The following HOXA3 variants were observed in gnomAD, a reference collection of about 807,000 sequenced individuals.
The protein encoded by HOXA3 is homeobox A3.
In HOXA3, 8 loss-of-function variants were observed where a neutral mutation model predicts 30.3. The ratio of observed to expected loss-of-function variants is 0.26; its 90% confidence interval spans 0.15 to 0.48. The LOEUF (loss-of-function observed/expected upper bound fraction) is 0.48, where lower values mean the gene tolerates loss of function less well. Ranked by LOEUF, HOXA3 falls within the 20% of genes least tolerant of loss-of-function variation. The pLI, the probability that HOXA3 is intolerant of heterozygous loss-of-function variation, is 0.99. For synonymous variants in HOXA3, 323 were observed against 273.1 expected (o/e 1.18, Z -1.80); for missense variants, 653 against 614.4 (o/e 1.06, Z -0.66).
At chr7:27,129,992 C>G (rs1213402107) in intron 2 of HOXA3, 1 of 1,141,322 alleles carries the variant, frequency 8.8e-7, no homozygotes, top group Non-Finnish European at 1.2e-6. Flanking sequence ...CTCACCGCAG[C>G]CCGGGTCAGA....
intron 2 of HOXA3, among the ~76,000 whole-genome samples, chr7:27,135,181 C>CTT (rs148171754): frequency 6.8e-6 from 1 of 147,750 alleles, no homozygotes; most frequent in Non-Finnish European, 1.5e-5. Flanking sequence ...TTCTCCTTGG[C>CTT]TTTTTTTTTT....
At chr7:27,115,140 T>C (rs1468018746) in intron 4 of HOXA3, among the ~76,000 whole-genome samples, 5 of 150,854 alleles carry the variant, frequency 3.3e-5, no homozygotes, top group Non-Finnish European at 7.4e-5. Flanking sequence ...AAAATATAAG[T>C]AGTATGTTTA....
intron 4 of HOXA3, chr7:27,115,708 A>T (rs1393866726): frequency 6.6e-6 from 1 of 152,278 alleles, no homozygotes; most frequent in East Asian, 1.9e-4. Context: ...ACCAGACCTG[A>T]GGAGCCGTGG....
At position 27,110,702 on chromosome 7, in the gene HOXA3, C is replaced by T. The variant is rs942104627; in HGVS notation, c.-62G>A. The stretch of plus-strand genomic sequence containing the variant: ...GGGGTTTGACACCCGTGAGGGCGCA[C>T]ATTGGCACGCCCCCGCGGTCACGTG... On this transcript the variant is annotated 5_prime_UTR_variant, in exon 5 of 6. The change creates a new upstream start codon in the 5' untranslated region. Coordinates refer to ENST00000612286, the MANE Select transcript of HOXA3 (RefSeq NM_153631.3). The T allele has an allele frequency of 1.9e-6, 3 of 1,582,034 alleles. No homozygotes were observed. The highest frequency in any genetic ancestry group is 2.6e-6 in the Non-Finnish European group (3 of 1,156,696).
chr7:27,112,146 A>G (rs1784413595), intron 4 of HOXA3, among the ~76,000 whole-genome samples: 1 of 152,226 alleles, frequency 6.6e-6, no homozygotes, highest in Non-Finnish European at 1.5e-5. Flanking sequence ...TCTAGTTCTC[A>G]GCACAGAAAA....
intron 2 of HOXA3, among the ~76,000 whole-genome samples, chr7:27,133,065 T>C (rs1189653167): frequency 6.6e-6 from 1 of 152,230 alleles, no homozygotes; most frequent in Non-Finnish European, 1.5e-5. Flanking sequence ...TCTATTACTT[T>C]AGGAAGATGG....
chr7:27,130,128 A>C, intron 2 of HOXA3: 2 of 1,601,336 alleles, frequency 1.2e-6, no homozygotes, highest in Non-Finnish European at 1.7e-6. Context: ...CGGCGCTGAC[A>C]TGGATCTTCT....
chr7:27,149,003 G>A (rs1782880796), intron 1 of HOXA3, among the ~76,000 whole-genome samples: 1 of 152,210 alleles, frequency 6.6e-6, no homozygotes, highest in South Asian at 2.1e-4. Flanking sequence ...GAGGGCTGCC[G>A]CCCCTCAGTC....
At chr7:27,147,312 G>T (rs1782803099) in intron 1 of HOXA3, 4 of 1,612,880 alleles carry the variant, frequency 2.5e-6, no homozygotes, top group Non-Finnish European at 2.5e-6. Flanking sequence ...TCTTACCCGC[G>T]CAGGAGTTCA....
intron 2 of HOXA3, chr7:27,128,097 C>G (rs531094256): frequency 6.6e-6 from 1 of 152,276 alleles, no homozygotes; most frequent in African/African-American, 2.4e-5. Flanking sequence ...TACCAAATAC[C>G]AAAGAGACCA....
chr7:27,132,194 T>C (rs1365198872), intron 2 of HOXA3, among the ~76,000 whole-genome samples: 4 of 152,216 alleles, frequency 2.6e-5, no homozygotes, highest in Non-Finnish European at 4.4e-5. Flanking sequence ...TATTTTCATA[T>C]TGGCATGCAA....
At chr7:27,125,687 G>A (rs931016301) in intron 3 of HOXA3, among the ~76,000 whole-genome samples, 1 of 152,234 alleles carries the variant, frequency 6.6e-6, no homozygotes, top group Non-Finnish European at 1.5e-5. Context: ...CAGAGACCAG[G>A]GGAGTGCCAA....
At chr7:27,124,496 C>G (rs940420371) in intron 3 of HOXA3, 2 of 152,232 alleles carry the variant, frequency 1.3e-5, no homozygotes, top group Non-Finnish European at 2.9e-5. Flanking sequence ...GCCCCAAGAT[C>G]TGGTGAGGGC....
chr7:27,128,603 C>T (rs190623072), intron 2 of HOXA3: 167 of 156,540 alleles, frequency 1.1e-3, no homozygotes, highest in African/African-American at 2.2e-3. Flanking sequence ...CCACATAAGT[C>T]TAAATGCACT....
rs2128039802 is a variant in HOXA3, at chr7:27,110,234, G to A, written c.407C>T (p.Thr136Ile). 2 of 1,613,996 alleles carry A rather than the reference G, an allele frequency of 1.2e-6. No individual in the cohort carries two copies. Among genetic ancestry groups the A allele is most frequent in the South Asian group, 1.1e-5 (1 of 91,070 alleles). The change falls in exon 5 of 6, where the codon ACC becomes ATC. Residue 136 changes from threonine (T) to isoleucine (I), a missense_variant. Coordinates refer to ENST00000612286, the MANE Select transcript of HOXA3 (RefSeq NM_153631.3). ...SPPQNASNNP[T>I]PANAAKSPLL... ...GGGGCTCTTGGCCGCGTTGGCAGGG[G>A]TAGGGTTGTTGCTGGCATTCTGAGG...
rs1206349630 is a variant in HOXA3 at position 27,130,016 on chromosome 7, C to T, written c.-389-2946G>A. On this transcript the variant is annotated intron_variant, in intron 2 of 5. Coordinates refer to ENST00000612286, the MANE Select transcript of HOXA3 (RefSeq NM_153631.3). ...GCCCGGGTCAGATGGGGGCTCCCCTCCCGAGGCCCCCTTCCCCTGAGCCTC... is the reference window on the plus strand; with the variant it reads ...GCCCGGGTCAGATGGGGGCTCCCCTTCCGAGGCCCCCTTCCCCTGAGCCTC... The T allele has an allele frequency of 2.2e-6, 3 of 1,351,680 alleles. No homozygotes were observed. The African/African-American group carries it at 4.4e-5, about 20-fold the overall frequency. The allele number at this position is 1,351,680 out of a possible 1,614,324, so 83.7% of individuals were successfully genotyped here.
chr7:27,108,801 T>C lies in HOXA3; in HGVS notation c.527-81A>G. The stretch of plus-strand genomic sequence containing the variant: ...CCCCTGACCCAGCCCGGCCCCTCCT[T>C]CCACCAGGCCCCAAAGGTTCCTGCA... On this transcript the variant is annotated intron_variant, in intron 5 of 5. Transcript: ENST00000612286. This position sits in a 1 kb window ranked among gnomAD's most constrained non-coding sequence, Gnocchi z 5.0. 2 of 1,078,010 alleles carry C rather than the reference T, an allele frequency of 1.9e-6. No individual in the cohort carries two copies. The highest frequency in any genetic ancestry group is 5.0e-5 in the East Asian group (2 of 39,988). The allele number at this position is 1,078,010 out of a possible 1,614,324, so 66.8% of individuals were successfully genotyped here. A position where few individuals can be genotyped will look rare whatever the true frequency, so the allele number is the denominator to read the frequency against.
intron 1 of HOXA3, chr7:27,142,097 A>C (rs748491150): frequency 1.2e-6 from 2 of 1,609,358 alleles, no homozygotes; most frequent in Non-Finnish European, 1.7e-6. Flanking sequence ...TGCAATAGAA[A>C]AGTCAGCGGT....
intron 2 of HOXA3, chr7:27,130,617 G>T (rs1050272): frequency 1.3e-6 from 2 of 1,554,584 alleles, no homozygotes; most frequent in South Asian, 2.3e-5. Context: ...GGTAGCCGGG[G>T]CCCCCGCCCG....
Sources: allele counts gnomAD v4.1 joint callset (sites outside exome capture counted in the v4.1 genomes callset), GRCh38; gene constraint gnomAD v4.1.1; non-coding constraint Gnocchi (gnomAD v3.1); transcripts MANE v1.5; gene names NCBI Gene and HGNC (gene_info 2026-07-23, HGNC 2026-07-21).